The following PRRG1 variants were observed in gnomAD, a reference collection of about 807,000 sequenced individuals.
The protein encoded by PRRG1 is proline rich and Gla domain 1, also known as transmembrane gamma-carboxyglutamic acid protein 1.
A neutral mutation model predicts 11.8 loss-of-function variants in PRRG1; 5 were observed. The observed-to-expected ratio is 0.42, with a 90% confidence interval of 0.22 to 0.89. The LOEUF (loss-of-function observed/expected upper bound fraction) is 0.89. Ranked by LOEUF, PRRG1 falls within the 40% of genes least tolerant of loss-of-function variation. The probability of loss-of-function intolerance (pLI) is 0.28; values close to 1 mark genes in which losing one functional copy is unlikely to be tolerated. For synonymous variants in PRRG1, 66 were observed against 60.4 expected, an observed-to-expected ratio of 1.09 and a Z score of -0.43; for missense variants, 155 against 166.1, an observed-to-expected ratio of 0.93 and a Z score of 0.37.
At chrX:37,353,760 A>G (rs1395926254) in intron 1 of PRRG1, among the ~76,000 whole-genome samples, 2 of 112,621 alleles carry the variant, frequency 1.8e-5, no homozygotes, top group African/African-American at 6.4e-5. Context: ...AGGGTATACC[A>G]TATTGCTTAG....
In PRRG1 at chrX:37,359,114, A is replaced by G. The variant is rs782282424; in HGVS notation, c.-42+9719A>G. Reference sequence around the variant, plus strand: ...TTATTTCTTCCTTCCCAATTGGTATACCTTTTGTTTCCTTTCCTTGTCTTA... The same window carrying G: ...TTATTTCTTCCTTCCCAATTGGTATGCCTTTTGTTTCCTTTCCTTGTCTTA... On this transcript the variant is annotated intron_variant, in intron 1 of 3. Transcript: ENST00000378628. Among the ~76,000 whole-genome samples, 123 of 111,490 alleles carry G rather than the reference A, an allele frequency of 1.1e-3. 1 individual carries two copies. The highest frequency in any genetic ancestry group is 3.8e-3 in the African/African-American group (117 of 30,790).
intron 3 of PRRG1, among the ~76,000 whole-genome samples, chrX:37,432,378 A>G (rs189403690): frequency 8.2e-4 from 92 of 111,816 alleles, no homozygotes; most frequent in African/African-American, 1.4e-3. Flanking sequence ...GAGCCACTGC[A>G]CCCGGACCGT....
chrX:37,403,236 T>G (rs1556380990), intron 1 of PRRG1, among the ~76,000 whole-genome samples: 2 of 109,513 alleles, frequency 1.8e-5, no homozygotes, highest in Non-Finnish European at 3.8e-5. Context: ...AAGCCAAATA[T>G]CCAACAATGA....
chrX:37,387,389 A>G (rs1250595565), intron 1 of PRRG1, among the ~76,000 whole-genome samples: 1 of 111,805 alleles, frequency 8.9e-6, no homozygotes, highest in Non-Finnish European at 1.9e-5. Context: ...TGGGTAATTT[A>G]TAAACAAAAG....
chrX:37,402,107 A>G (rs1234450051), intron 1 of PRRG1, among the ~76,000 whole-genome samples: 1 of 111,705 alleles, frequency 9.0e-6, no homozygotes, highest in African/African-American at 3.3e-5. Flanking sequence ...GCTGCCAATG[A>G]CTTTCTTCAC....
chrX:37,357,313 T>C (rs934695380), intron 1 of PRRG1, among the ~76,000 whole-genome samples: 1 of 112,186 alleles, frequency 8.9e-6, no homozygotes, highest in Non-Finnish European at 1.9e-5. Flanking sequence ...CTAAAAAATA[T>C]CTTGGTTGCT....
At chrX:37,366,939 T>TCA (rs1375522342) in intron 1 of PRRG1, among the ~76,000 whole-genome samples, 1 of 111,639 alleles carries the variant, frequency 9.0e-6, no homozygotes, top group Non-Finnish European at 1.9e-5. Context: ...GAAGCTGCCC[T>TCA]CACACACACA....
intron 1 of PRRG1, among the ~76,000 whole-genome samples, chrX:37,374,758 T>C (rs1232896225): frequency 2.7e-5 from 3 of 111,791 alleles, no homozygotes; most frequent in Non-Finnish European, 5.6e-5. Context: ...ATTTCTCTGC[T>C]GAGGCTTCCT....
intron 3 of PRRG1, among the ~76,000 whole-genome samples, chrX:37,430,552 C>T (rs184450866): frequency 7.2e-5 from 8 of 111,475 alleles, no homozygotes; most frequent in African/African-American, 9.8e-5. Flanking sequence ...ACAATGGTTT[C>T]GGAATTGTAA....
chrX:37,450,572 T>G (rs1921088702), intron 3 of PRRG1, among the ~76,000 whole-genome samples: 1 of 112,447 alleles, frequency 8.9e-6, no homozygotes, highest in Non-Finnish European at 1.9e-5. Flanking sequence ...TAGATTAATC[T>G]TTGGGTATTC....
chrX:37,382,261 G>A (rs1479777470), intron 1 of PRRG1, among the ~76,000 whole-genome samples: 1 of 111,162 alleles, frequency 9.0e-6, no homozygotes, highest in Non-Finnish European at 1.9e-5. Flanking sequence ...ATTGACACAT[G>A]TGAAGAGCTG....
chrX:37,420,780 T>G (rs1313311724), intron 2 of PRRG1, among the ~76,000 whole-genome samples: 33 of 110,791 alleles, frequency 3.0e-4, no homozygotes, highest in Non-Finnish European at 1.3e-4. Flanking sequence ...AAGGGTCGCT[T>G]TAGCCCAGGA....
intron 1 of PRRG1, among the ~76,000 whole-genome samples, chrX:37,360,953 T>G (rs113127531): frequency 0.13 from 14,309 of 112,230 alleles, 696 homozygotes; most frequent in South Asian, 0.17. Flanking sequence ...TAGCTTTACC[T>G]TTTGTAAATT....
chrX:37,422,233 A>G (rs1420166315), intron 2 of PRRG1, among the ~76,000 whole-genome samples: 1 of 112,129 alleles, frequency 8.9e-6, no homozygotes, highest in African/African-American at 3.2e-5. Context: ...TTCAAAATAC[A>G]TTAATGTTGA....
intron 1 of PRRG1, among the ~76,000 whole-genome samples, chrX:37,372,942 G>A (rs1237471451): frequency 2.7e-5 from 3 of 112,127 alleles, no homozygotes; most frequent in African/African-American, 9.7e-5. Context: ...TTACCTTTAG[G>A]TCTTTAATCC....
intron 3 of PRRG1, 76 bp from the exon 4 acceptor site, chrX:37,453,060 C>T: frequency 9.6e-7 from 1 of 1,046,985 alleles, no homozygotes; most frequent in Non-Finnish European, 1.3e-6. Flanking sequence ...TTCATTGAAC[C>T]CAGACATTTA....
chrX:37,394,117 A>T (rs1429638597), intron 1 of PRRG1, among the ~76,000 whole-genome samples: 1 of 112,374 alleles, frequency 8.9e-6, no homozygotes, highest in Non-Finnish European at 1.9e-5. Context: ...TACCTATCTC[A>T]TAGAGTTGTT....
chrX:37,419,217 T>G (rs782782386), intron 2 of PRRG1, among the ~76,000 whole-genome samples: 47 of 112,501 alleles, frequency 4.2e-4, no homozygotes, highest in Non-Finnish European at 8.1e-4. Flanking sequence ...ATATCTGTCA[T>G]GTATGTAACT....
intron 1 of PRRG1, among the ~76,000 whole-genome samples, chrX:37,362,673 G>A: frequency 8.9e-6 from 1 of 111,740 alleles, no homozygotes; most frequent in East Asian, 2.8e-4. Context: ...TTAACCAGGG[G>A]TCAGACCATC....
Sources: gnomAD v4.1 joint callset for allele counts (sites outside exome capture counted in the v4.1 genomes callset) on GRCh38, gnomAD v4.1.1 for gene constraint, MANE v1.5 for transcripts, NCBI Gene and HGNC (gene_info 2026-07-23, HGNC 2026-07-21) for gene names.